Variants in SORCS3 observed in about 807,000 individuals in gnomAD.
The protein encoded by SORCS3 is VPS10 domain-containing receptor SorCS3.
Under a neutral mutation model 146.3 loss-of-function variants are expected in SORCS3, and 57 were observed. That is an observed-to-expected ratio of 0.39 (90% confidence interval 0.31 to 0.49). SORCS3 has a LOEUF of 0.49. Ranked by LOEUF, SORCS3 falls within the 20% of genes least tolerant of loss-of-function variation. The pLI, the probability that SORCS3 is intolerant of heterozygous loss-of-function variation, is 0.92. For missense variants in SORCS3, 1,341 were observed against 1,575.5 expected (o/e 0.85, Z 2.52); for synonymous variants, 653 against 618.5 (o/e 1.06, Z -0.83).
chr10:105,151,408 T>C (rs2056166780), intron 9 of SORCS3, among the ~76,000 whole-genome samples: 1 of 152,132 alleles, frequency 6.6e-6, no homozygotes, highest in African/African-American at 2.4e-5. Flanking sequence ...ACCCAGAAAA[T>C]ATTCGCACGT....
At chr10:105,230,707 T>C (rs2056761102) in intron 20 of SORCS3, among the ~76,000 whole-genome samples, 2 of 152,144 alleles carry the variant, frequency 1.3e-5, no homozygotes, top group African/African-American at 4.8e-5. Context: ...TTAGTCCACA[T>C]AGCAGCAGCT....
intron 1 of SORCS3, among the ~76,000 whole-genome samples, chr10:104,669,521 G>A (rs924069939): frequency 4.6e-5 from 7 of 152,152 alleles, no homozygotes; most frequent in African/African-American, 1.7e-4. Flanking sequence ...ATTTCACTTA[G>A]CATGATGCCC....
intron 18 of SORCS3, 117 bp from the exon 19 acceptor site, chr10:105,216,819 G>A: frequency 1.1e-6 from 1 of 946,132 alleles, no homozygotes. Context: ...AGGTGTTTCA[G>A]CCCTTTGGGA....
At chr10:105,016,776 G>A (rs1263703798) in intron 4 of SORCS3, among the ~76,000 whole-genome samples, 5 of 152,060 alleles carry the variant, frequency 3.3e-5, no homozygotes, top group African/African-American at 4.8e-5. Context: ...CTCTTGTCCT[G>A]GCAGAGGTTG....
chr10:105,000,553 G>A (rs73334068), intron 4 of SORCS3, among the ~76,000 whole-genome samples: 11,373 of 152,086 alleles, frequency 0.075, 471 homozygotes, highest in African/African-American at 0.1. Context: ...ACAGTTTTAT[G>A]TATATTTATC....
intron 1 of SORCS3, among the ~76,000 whole-genome samples, chr10:104,676,478 G>C (rs922704944): frequency 1.3e-5 from 2 of 152,224 alleles, no homozygotes; most frequent in Non-Finnish European, 2.9e-5. Context: ...GTAAGAACAA[G>C]AGAAGCAAGA....
intron 1 of SORCS3, among the ~76,000 whole-genome samples, chr10:104,744,887 C>T (rs760636597): frequency 3.3e-5 from 5 of 152,134 alleles, no homozygotes; most frequent in African/African-American, 4.8e-5. Flanking sequence ...AGTGAAGACA[C>T]GTTGTTTGCT....
intron 2 of SORCS3, among the ~76,000 whole-genome samples, chr10:104,904,623 T>C (rs2018884811): frequency 6.6e-6 from 1 of 151,770 alleles, no homozygotes; most frequent in East Asian, 1.9e-4. Flanking sequence ...TTGAAAAATA[T>C]GTAACAATAT....
chr10:105,134,306 A>G (rs1316969490), intron 7 of SORCS3, among the ~76,000 whole-genome samples: 1 of 152,126 alleles, frequency 6.6e-6, no homozygotes, highest in Non-Finnish European at 1.5e-5. Context: ...TGGTAGATGT[A>G]CTCAATTAAT....
chr10:105,218,788 A>G (rs1373613784), intron 19 of SORCS3, among the ~76,000 whole-genome samples: 1 of 152,176 alleles, frequency 6.6e-6, no homozygotes, highest in African/African-American at 2.4e-5. Flanking sequence ...AGGCCAAGGC[A>G]GGCAGATCAC....
intron 1 of SORCS3, among the ~76,000 whole-genome samples, chr10:104,818,123 C>T (rs1468729529): frequency 6.6e-6 from 1 of 152,170 alleles, no homozygotes; most frequent in Non-Finnish European, 1.5e-5. Flanking sequence ...CAGGACACTG[C>T]TGTGTGTTCT....
At chr10:104,663,744 A>G (rs1246589009) in intron 1 of SORCS3, among the ~76,000 whole-genome samples, 2 of 152,202 alleles carry the variant, frequency 1.3e-5, no homozygotes, top group African/African-American at 2.4e-5. Context: ...TTGCTGAGCA[A>G]CTAGGACAGA....
chr10:105,132,617 C>A (rs2056028646), intron 7 of SORCS3, among the ~76,000 whole-genome samples: 1 of 152,156 alleles, frequency 6.6e-6, no homozygotes. Context: ...AATAAAGGAT[C>A]TGTCAGGTTA....
At chr10:105,115,230 T>C (rs142025798) in intron 7 of SORCS3, among the ~76,000 whole-genome samples, 6 of 152,314 alleles carry the variant, frequency 3.9e-5, no homozygotes, top group South Asian at 2.1e-4. Context: ...AATTTTCTCA[T>C]CTCTGTAGAA....
At chr10:105,068,542 G>C (rs200039155) in intron 5 of SORCS3, among the ~76,000 whole-genome samples, 2 of 151,968 alleles carry the variant, frequency 1.3e-5, no homozygotes, top group Admixed American at 6.6e-5. Flanking sequence ...GCTTCTTCTT[G>C]TTTCCTAAAA....
chr10:105,096,291 C>G (rs1292376341), intron 6 of SORCS3, among the ~76,000 whole-genome samples: 5 of 152,282 alleles, frequency 3.3e-5, no homozygotes, highest in Middle Eastern at 3.4e-3. Context: ...CGCACTAGAT[C>G]TGAGCTGGTT....
intron 1 of SORCS3, among the ~76,000 whole-genome samples, chr10:104,754,294 G>A (rs1210284049): frequency 1.3e-5 from 2 of 152,054 alleles, no homozygotes; most frequent in East Asian, 1.9e-4. Flanking sequence ...ATCATCCGGG[G>A]CCCCTGTTAA....
chr10:105,180,879 G>A (rs780425697), intron 14 of SORCS3, among the ~76,000 whole-genome samples: 5 of 152,172 alleles, frequency 3.3e-5, no homozygotes, highest in South Asian at 2.1e-4. Flanking sequence ...ATCAGGATGG[G>A]TTCCCACGCT....
At chr10:104,918,029 T>C (rs2019050506) in intron 3 of SORCS3, among the ~76,000 whole-genome samples, 1 of 152,254 alleles carries the variant, frequency 6.6e-6, no homozygotes, top group African/African-American at 2.4e-5. Flanking sequence ...ATGGTAGCTC[T>C]ATTTTTAATT....
Sources: gnomAD v4.1 joint callset for allele counts (sites outside exome capture counted in the v4.1 genomes callset) on GRCh38, gnomAD v4.1.1 for gene constraint, MANE v1.5 for transcripts, NCBI Gene and HGNC (gene_info 2026-07-23, HGNC 2026-07-21) for gene names.